Variants in G3BP2 observed in about 807,000 individuals in gnomAD.
The protein encoded by G3BP2 is ras GTPase-activating protein-binding protein 2.
In G3BP2, 11 loss-of-function variants were observed where a neutral mutation model predicts 56.7. That is an observed-to-expected ratio of 0.19 (90% CI 0.12 to 0.32). The LOEUF (loss-of-function observed/expected upper bound fraction) is 0.32. Ranked by LOEUF, G3BP2 falls within the 10% of genes least tolerant of loss-of-function variation. The pLI is 1.00. For missense variants in G3BP2, 340 were observed against 610.9 expected (o/e 0.56, Z 4.67); for synonymous variants, 165 against 191.6 (o/e 0.86, Z 1.15).
chr4:75,646,362 T>G lies in G3BP2; in HGVS notation c.1152A>C (p.Pro384=), dbSNP rs747180587. Residue 384 remains proline (P), a synonymous_variant, in exon 11 of 12, where the codon CCA becomes CCC. Coordinates refer to ENST00000359707, the MANE Select transcript of G3BP2 (RefSeq NM_203505.3). Reference sequence around the variant, plus strand: ...CTTTTGCAATTAAGATTCTCTGAACTGGTTCAGAGTCATCAAAAACCACAA... The same window carrying G: ...CTTTTGCAATTAAGATTCTCTGAACGGGTTCAGAGTCATCAAAAACCACAA... ...FGFVVFDDSE[P]VQRILIAKPI... The G allele has an allele frequency of 1.8e-5, 28 of 1,538,616 alleles. No homozygotes were observed. Among genetic ancestry groups the G allele is most frequent in the Non-Finnish European group, 2.0e-5 (23 of 1,123,628 alleles).
At position 75,653,916 on chromosome 4, in the gene G3BP2, G is replaced by C. The variant is rs142163932; in HGVS notation, c.825+67C>G. 9.2e-4 allele frequency: 681 copies of C among 743,924 alleles called. 10 individuals are homozygous for C. The East Asian group carries it at 0.017, about 18-fold the overall frequency. The allele number at this position is 743,924 out of a possible 1,614,324, so 46.1% of individuals were successfully genotyped here. ...ATTTCTGATTGACTCATTTTTAAAA[G>C]TATTTTAAAAATAAGCAATTGGCAA... On this transcript the variant is annotated intron_variant, in intron 8 of 11. Transcript: ENST00000359707.
intron 1 of G3BP2, among the ~76,000 whole-genome samples, chr4:75,663,685 C>A (rs1560622267): frequency 6.6e-6 from 1 of 151,700 alleles, no homozygotes; most frequent in Non-Finnish European, 1.5e-5. Flanking sequence ...GATGGTGAAA[C>A]CCCATCTCTA....
chr4:75,664,778 G>A (rs1381716433), intron 1 of G3BP2, among the ~76,000 whole-genome samples: 1 of 152,050 alleles, frequency 6.6e-6, no homozygotes, highest in Admixed American at 6.6e-5. Flanking sequence ...TAACCTGGGG[G>A]ACAAAGGTTG....
intron 2 of G3BP2, among the ~76,000 whole-genome samples, chr4:75,660,644 A>T (rs2148995537): frequency 6.6e-6 from 1 of 152,352 alleles, no homozygotes; most frequent in East Asian, 1.9e-4. Flanking sequence ...GATTACACGT[A>T]TGTTCAACAG....
chr4:75,698,275 G>A (rs898512477), intron 3 of G3BP2, among the ~76,000 whole-genome samples: 1 of 152,160 alleles, frequency 6.6e-6, no homozygotes, highest in Non-Finnish European at 1.5e-5. Flanking sequence ...CAGTGAAGGA[G>A]ATATAATGAC....
intron 1 of G3BP2, among the ~76,000 whole-genome samples, chr4:75,671,948 T>C (rs981139425): frequency 4.6e-5 from 7 of 152,036 alleles, no homozygotes; most frequent in Non-Finnish European, 7.4e-5. Flanking sequence ...TAGAGAAAAA[T>C]TGCCATCATC....
intron 9 of G3BP2, among the ~76,000 whole-genome samples, chr4:75,647,990 T>G (rs1386061804): frequency 6.6e-6 from 1 of 152,214 alleles, no homozygotes; most frequent in Non-Finnish European, 1.5e-5. Flanking sequence ...GGGCTTATTG[T>G]TTATCTGTAA....
chr4:75,659,474 A>AT (rs1289548274), intron 2 of G3BP2, among the ~76,000 whole-genome samples: 1 of 152,164 alleles, frequency 6.6e-6, no homozygotes, highest in African/African-American at 2.4e-5. Flanking sequence ...TCTTTTTAAT[A>AT]TTTTTGTACT....
intron 1 of G3BP2, among the ~76,000 whole-genome samples, chr4:75,668,717 C>T (rs192325650): frequency 2.6e-5 from 4 of 152,296 alleles, no homozygotes; most frequent in Admixed American, 1.3e-4. Context: ...TCCTCCAATA[C>T]TCATCTCACA....
chr4:75,711,175 T>C (rs1719741006), intron 3 of G3BP2, among the ~76,000 whole-genome samples: 1 of 150,990 alleles, frequency 6.6e-6, no homozygotes, highest in Non-Finnish European at 1.5e-5. Context: ...AAAAATTAGC[T>C]GGGCATGATG....
chr4:75,697,231 G>A (rs1333396289), intron 3 of G3BP2, among the ~76,000 whole-genome samples: 3 of 125,916 alleles, frequency 2.4e-5, no homozygotes, highest in African/African-American at 8.8e-5. Context: ...CCGAGATCAT[G>A]CCACTACACT....
intron 1 of G3BP2, among the ~76,000 whole-genome samples, chr4:75,669,364 T>C (rs925478961): frequency 1.3e-5 from 2 of 152,214 alleles, no homozygotes; most frequent in African/African-American, 2.4e-5. Context: ...TTCTCCCCTT[T>C]AGCTTTGCCA....
intron 3 of G3BP2, 100 bp downstream of exon 3, chr4:75,658,743 A>C: frequency 1.3e-6 from 1 of 798,440 alleles, no homozygotes; most frequent in Non-Finnish European, 2.2e-6. Flanking sequence ...AAAAAGAGAA[A>C]GAAAGAAAGA....
At chr4:75,693,232 C>A (rs968856406) in intron 3 of G3BP2, among the ~76,000 whole-genome samples, 1 of 151,890 alleles carries the variant, frequency 6.6e-6, no homozygotes, top group African/African-American at 2.4e-5. Context: ...TGACACAGTG[C>A]GACTCCCTCT....
At chr4:75,673,595 C>T (rs1299404512), upstream of G3BP2, 1 of 1,231,822 alleles carries the variant, frequency 8.1e-7, no homozygotes, top group East Asian at 3.2e-5. Context: ...CCCGGAAAGC[C>T]GGGGAACCGG....
At chr4:75,721,536 C>T (rs918689440) in intron 2 of G3BP2, among the ~76,000 whole-genome samples, 1 of 151,980 alleles carries the variant, frequency 6.6e-6, no homozygotes, top group African/African-American at 2.4e-5. Context: ...GGGATTATAG[C>T]CATGAGCTAC....
At chr4:75,647,726 A>C (rs966770405) in intron 9 of G3BP2, among the ~76,000 whole-genome samples, 16 of 152,314 alleles carry the variant, frequency 1.1e-4, no homozygotes, top group Non-Finnish European at 1.8e-4. Flanking sequence ...GACATAAAAG[A>C]AGCTCAGAAT....
At chr4:75,682,018 G>A (rs1734095587) in intron 3 of G3BP2, among the ~76,000 whole-genome samples, 3 of 152,160 alleles carry the variant, frequency 2.0e-5, no homozygotes, top group Admixed American at 1.3e-4. Context: ...GGGTAGAGCA[G>A]ACAGCATGGA....
At chr4:75,646,207 T>C (rs1336545833) in intron 11 of G3BP2, 131 bp downstream of exon 11, 2 of 590,506 alleles carry the variant, frequency 3.4e-6, no homozygotes, top group South Asian at 2.0e-5. Context: ...TCTTTATTCT[T>C]TGCATAAATA....
Sources: allele counts gnomAD v4.1 joint callset (sites outside exome capture counted in the v4.1 genomes callset), GRCh38; gene constraint gnomAD v4.1.1; transcripts MANE v1.5; gene names NCBI Gene and HGNC (gene_info 2026-07-23, HGNC 2026-07-21).